Variants in EDIL3 observed in about 807,000 individuals in gnomAD.
EDIL3 encodes EGF-like repeat and discoidin I-like domain-containing protein 3.
In EDIL3, 37 loss-of-function variants were observed where a neutral mutation model predicts 67.4. The observed-to-expected ratio is 0.55, with a 90% CI of 0.42 to 0.72. The LOEUF (loss-of-function observed/expected upper bound fraction) is 0.72. Among genes scored for constraint, EDIL3 ranks in the 30% least tolerant of loss-of-function variants. The pLI is 0.00. For missense variants in EDIL3, 527 were observed against 586.3 expected (o/e 0.90, Z 1.04); for synonymous variants, 195 against 196.3 (o/e 0.99, Z 0.05).
intron 4 of EDIL3, among the ~76,000 whole-genome samples, chr5:84,137,779 T>C (rs1748119824): frequency 6.6e-6 from 1 of 152,214 alleles, no homozygotes; most frequent in Non-Finnish European, 1.5e-5. Context: ...TTCATTACAA[T>C]TCTAACTGAC....
intron 1 of EDIL3, among the ~76,000 whole-genome samples, chr5:84,382,411 C>T (rs1580114802): frequency 6.6e-6 from 1 of 151,418 alleles, no homozygotes; most frequent in African/African-American, 2.4e-5. Flanking sequence ...CCCAGCCAGG[C>T]AAGCGCGGCC....
chr5:84,038,216 G>A (rs911198238), intron 9 of EDIL3, among the ~76,000 whole-genome samples: 1 of 151,720 alleles, frequency 6.6e-6, no homozygotes, highest in Non-Finnish European at 1.5e-5. Context: ...CTCCTTACGC[G>A]GTAGGTCAGG....
chr5:84,384,246 G>C, intron 1 of EDIL3, 62 bp downstream of exon 1: 1 of 1,556,244 alleles, frequency 6.4e-7, no homozygotes, highest in Non-Finnish European at 8.7e-7. Context: ...CCCCCTGCGC[G>C]GCGTTTCTCA....
intron 1 of EDIL3, among the ~76,000 whole-genome samples, chr5:84,305,007 T>C (rs917349416): frequency 6.6e-6 from 1 of 152,204 alleles, no homozygotes; most frequent in Non-Finnish European, 1.5e-5. Flanking sequence ...TAAAAGTAAA[T>C]GTGAGGCTCT....
chr5:84,131,346 T>G (rs554289383), intron 5 of EDIL3, among the ~76,000 whole-genome samples: 2 of 152,230 alleles, frequency 1.3e-5, no homozygotes, highest in Non-Finnish European at 2.9e-5. Flanking sequence ...TAGAAAATGT[T>G]TAAACTTCCA....
chr5:84,153,078 C>T lies in EDIL3; in HGVS notation c.356-15724G>A, dbSNP rs1391954688. 2.6e-5 allele frequency among the ~76,000 whole-genome samples: 4 copies of T among 152,210 alleles called. No homozygotes were observed. In the East Asian group the frequency reaches 5.8e-4, roughly 22 times the overall value. ...GAGTGTACAATTATTTAGCCCATGG[C>T]TTTTATTTTATTCTGTTCATTACCA... On this transcript the variant is annotated intron_variant, in intron 4 of 10. Transcript: ENST00000296591.
At chr5:84,315,018 T>G (rs2112148084) in intron 1 of EDIL3, among the ~76,000 whole-genome samples, 1 of 152,304 alleles carries the variant, frequency 6.6e-6, no homozygotes. Context: ...CTTTTGCAAT[T>G]TTTTATTTTA....
At chr5:84,380,751 T>G (rs1748058824) in intron 1 of EDIL3, among the ~76,000 whole-genome samples, 1 of 152,212 alleles carries the variant, frequency 6.6e-6, no homozygotes, top group African/African-American at 2.4e-5. Context: ...ATCTTGAAAT[T>G]AATAAAATTA....
intron 4 of EDIL3, among the ~76,000 whole-genome samples, chr5:84,160,759 C>CCTTTCCTTTTCTTTT (rs1748591278): frequency 2.9e-5 from 1 of 34,910 alleles, no homozygotes; most frequent in South Asian, 1.1e-3. Flanking sequence ...CCTTTCCTTT[C>CCTTTCCTTTTCTTTT]CTTTCCTTTC....
intron 6 of EDIL3, among the ~76,000 whole-genome samples, chr5:84,067,690 G>A (rs1049977111): frequency 2.6e-5 from 4 of 152,056 alleles, no homozygotes; most frequent in Admixed American, 6.6e-5. Flanking sequence ...AATGGTCCAC[G>A]GTGTGCATGA....
intron 2 of EDIL3, among the ~76,000 whole-genome samples, chr5:84,238,672 T>TTTTTG (rs1554037710): frequency 6.7e-6 from 1 of 148,720 alleles, no homozygotes; most frequent in Non-Finnish European, 1.5e-5. Flanking sequence ...AATGTTTTTT[T>TTTTTG]TTTTTTTTTT....
intron 4 of EDIL3, among the ~76,000 whole-genome samples, chr5:84,173,191 C>G (rs755369686): frequency 6.6e-6 from 1 of 152,092 alleles, no homozygotes; most frequent in African/African-American, 2.4e-5. Context: ...TATGGAGGTG[C>G]CTTGAAAACA....
chr5:84,124,563 T>G (rs1414328113), intron 5 of EDIL3, among the ~76,000 whole-genome samples: 1 of 151,932 alleles, frequency 6.6e-6, no homozygotes, highest in Admixed American at 6.6e-5. Flanking sequence ...AGAAATTAAT[T>G]GATAGATAAT....
At chr5:84,338,254 C>T in intron 1 of EDIL3, among the ~76,000 whole-genome samples, 1 of 152,144 alleles carries the variant, frequency 6.6e-6, no homozygotes, top group East Asian at 1.9e-4. Flanking sequence ...CTAAATTTGG[C>T]TGTCCCTCTA....
At chr5:84,054,781 T>C (rs1181580153) in intron 9 of EDIL3, among the ~76,000 whole-genome samples, 1 of 151,308 alleles carries the variant, frequency 6.6e-6, no homozygotes, top group Non-Finnish European at 1.5e-5. Flanking sequence ...CAAGGAGAAC[T>C]ACAAACCACT....
intron 3 of EDIL3, among the ~76,000 whole-genome samples, chr5:84,208,475 C>T (rs1167109070): frequency 1.1e-4 from 16 of 151,108 alleles, no homozygotes; most frequent in African/African-American, 3.6e-4. Flanking sequence ...GTCAGGAGAT[C>T]GAGACCATCC....
At chr5:83,985,171 T>C (rs2112153202) in intron 9 of EDIL3, among the ~76,000 whole-genome samples, 1 of 151,278 alleles carries the variant, frequency 6.6e-6, no homozygotes, top group African/African-American at 2.4e-5. Flanking sequence ...AATCGTATGC[T>C]ATATTTCCTT....
intron 9 of EDIL3, among the ~76,000 whole-genome samples, chr5:84,036,347 CCTT>C: frequency 6.6e-6 from 1 of 152,156 alleles, no homozygotes; most frequent in Non-Finnish European, 1.5e-5. Context: ...ACCATACTCT[CCTT>C]CTCTGGATTC....
intron 4 of EDIL3, among the ~76,000 whole-genome samples, chr5:84,175,171 C>A (rs1443992451): frequency 6.6e-6 from 1 of 152,134 alleles, no homozygotes; most frequent in Non-Finnish European, 1.5e-5. Context: ...GCCTCTCGAA[C>A]CTTGTGCCAT....
Sources: gnomAD v4.1 joint callset for allele counts (sites outside exome capture counted in the v4.1 genomes callset) on GRCh38, gnomAD v4.1.1 for gene constraint, MANE v1.5 for transcripts, NCBI Gene and HGNC (gene_info 2026-07-23, HGNC 2026-07-21) for gene names.